The following UTS2 variants were observed in gnomAD, a reference collection of about 807,000 sequenced individuals.
UTS2 encodes the protein urotensin 2.
A neutral mutation model predicts 12.6 loss-of-function variants in UTS2; 10 were observed. The ratio of observed to expected loss-of-function variants is 0.80; its 90% CI spans 0.49 to 1.35. The LOEUF (loss-of-function observed/expected upper bound fraction) is 1.35. UTS2 is among the 40% of genes most tolerant of loss of function. The pLI is 0.00. For synonymous variants in UTS2, 52 were observed against 50.0 expected (o/e 1.04, Z -0.17); for missense variants, 142 against 143.2 (o/e 0.99, Z 0.04).
At chr1:7,897,362 C>G in the UTS2 span, among the ~76,000 whole-genome samples, 3 of 152,098 alleles carry the variant, frequency 2.0e-5, no homozygotes, top group Admixed American at 6.5e-5. Flanking sequence ...TTAGGAATGA[C>G]TGGGCTATTC....
At chr1:7,856,485 G>A (rs535180256), upstream of UTS2, among the ~76,000 whole-genome samples, 17 of 142,358 alleles carry the variant, frequency 1.2e-4, no homozygotes, top group Non-Finnish European at 1.2e-4. Context: ...TGAGTGGAGT[G>A]TGGAGCCTCC....
At chr1:7,872,996 T>C in the UTS2 span, among the ~76,000 whole-genome samples, 1 of 152,144 alleles carries the variant, frequency 6.6e-6, no homozygotes, top group Non-Finnish European at 1.5e-5. Context: ...ATTCCAAAAA[T>C]CCTAGGGCCC....
chr1:7,883,010 C>CA, the UTS2 span, among the ~76,000 whole-genome samples: 35 of 149,978 alleles, frequency 2.3e-4, no homozygotes, highest in South Asian at 2.1e-3. Flanking sequence ...GGAGGTTTCT[C>CA]AAAAAAAAAC....
chr1:7,850,437 A>G (rs920761947), intron 2 of UTS2, among the ~76,000 whole-genome samples: 2 of 152,214 alleles, frequency 1.3e-5, no homozygotes, highest in Non-Finnish European at 2.9e-5. Context: ...TGAGGTGGAA[A>G]CTTAATCATT....
chr1:7,857,143 G>GGAAGGAAGGAAGGAAGGGAC (rs766960072), upstream of UTS2, among the ~76,000 whole-genome samples: 1 of 151,508 alleles, frequency 6.6e-6, no homozygotes, highest in Non-Finnish European at 1.5e-5. Context: ...AAGGAAGGAA[G>GGAAGGAAGGAAGGAAGGGAC]GTGAAGCATG....
chr1:7,871,614 T>C, the UTS2 span, among the ~76,000 whole-genome samples: 1 of 152,164 alleles, frequency 6.6e-6, no homozygotes, highest in African/African-American at 2.4e-5. Flanking sequence ...CAACTGTGTA[T>C]CGAGCAAGTC....
the UTS2 span, among the ~76,000 whole-genome samples, chr1:7,860,905 G>A: frequency 1.3e-5 from 2 of 151,760 alleles, no homozygotes; most frequent in South Asian, 2.1e-4. Context: ...AGCTGGGCAT[G>A]GTGGTGGACA....
chr1:7,891,978 C>T, the UTS2 span, among the ~76,000 whole-genome samples: 1 of 152,102 alleles, frequency 6.6e-6, no homozygotes, highest in Non-Finnish European at 1.5e-5. Context: ...CAGTTTCACA[C>T]GTGTATACAC....
At chr1:7,871,253 G>T in the UTS2 span, among the ~76,000 whole-genome samples, 1 of 152,212 alleles carries the variant, frequency 6.6e-6, no homozygotes, top group Non-Finnish European at 1.5e-5. Context: ...GATCGTCCCT[G>T]TTCAGTGGGA....
chr1:7,901,101 G>A, the UTS2 span, among the ~76,000 whole-genome samples: 3 of 152,080 alleles, frequency 2.0e-5, no homozygotes, highest in African/African-American at 4.8e-5. Flanking sequence ...TTTTTCTAGG[G>A]AATTGGTCAT....
chr1:7,884,995 C>T, the UTS2 span, among the ~76,000 whole-genome samples: 36 of 148,892 alleles, frequency 2.4e-4, 1 homozygote, highest in African/African-American at 8.7e-4. Context: ...CATCCATCCA[C>T]TCATCCATCC....
chr1:7,859,656 T>C, the UTS2 span, among the ~76,000 whole-genome samples: 2 of 152,112 alleles, frequency 1.3e-5, no homozygotes, highest in Admixed American at 6.5e-5. Flanking sequence ...CAGAGATCAG[T>C]GGGGCTATGT....
chr1:7,891,536 A>AAAAGAAAGAAAGAAAGAAAGAAAGAAAG, the UTS2 span, among the ~76,000 whole-genome samples: 35 of 109,904 alleles, frequency 3.2e-4, no homozygotes, highest in East Asian at 3.4e-3. Flanking sequence ...AGAAAGAAAG[A>AAAAGAAAGAAAGAAAGAAAGAAAGAAAG]AAAGAAAGAA....
the UTS2 span, among the ~76,000 whole-genome samples, chr1:7,904,302 C>CA: frequency 6.2e-5 from 8 of 128,744 alleles, no homozygotes; most frequent in African/African-American, 1.8e-4. Context: ...CAGGTCTCTA[C>CA]AAAAAATAAA....
chr1:7,855,069 G>A (rs1341227287), upstream of UTS2, among the ~76,000 whole-genome samples: 2 of 151,812 alleles, frequency 1.3e-5, no homozygotes, highest in African/African-American at 4.8e-5. Context: ...GCTGAGGCAG[G>A]AGAATTGCTT....
At chr1:7,896,664 C>A in the UTS2 span, among the ~76,000 whole-genome samples, 6 of 151,628 alleles carry the variant, frequency 4.0e-5, no homozygotes, top group Middle Eastern at 3.4e-3. Context: ...TTTTCTTTGA[C>A]AATTAGGTTC....
chr1:7,900,506 G>A, the UTS2 span, among the ~76,000 whole-genome samples: 1 of 152,130 alleles, frequency 6.6e-6, no homozygotes, highest in South Asian at 2.1e-4. Flanking sequence ...GCCAGGTGTG[G>A]TGGCTCACGC....
the UTS2 span, among the ~76,000 whole-genome samples, chr1:7,870,449 G>A: frequency 6.6e-6 from 1 of 152,172 alleles, no homozygotes; most frequent in Admixed American, 6.5e-5. Flanking sequence ...TTAGTTTGTT[G>A]GTTAGCTTGT....
the UTS2 span, among the ~76,000 whole-genome samples, chr1:7,860,072 T>C: frequency 6.6e-6 from 1 of 152,188 alleles, no homozygotes; most frequent in African/African-American, 2.4e-5. Flanking sequence ...AGTAATGTTA[T>C]TCTCTCACTC....
Sources: gnomAD v4.1 joint callset for allele counts (sites outside exome capture counted in the v4.1 genomes callset) on GRCh38, gnomAD v4.1.1 for gene constraint, MANE v1.5 for transcripts, NCBI Gene and HGNC (gene_info 2026-07-23, HGNC 2026-07-21) for gene names.